ZFPM2: variants seen among roughly 807,000 people sequenced by gnomAD.
ZFPM2 encodes the protein zinc finger protein ZFPM2.
In ZFPM2, 20 loss-of-function variants were observed where a neutral mutation model predicts 98.6. The ratio of observed to expected loss-of-function variants is 0.20; its 90% CI spans 0.14 to 0.29. ZFPM2 has a LOEUF of 0.29. Among genes scored for constraint, ZFPM2 ranks in the 10% least tolerant of loss-of-function variants. ZFPM2 has a pLI of 1.00. For synonymous variants in ZFPM2, 518 were observed against 502.7 expected, an observed-to-expected ratio of 1.03 and a Z score of -0.41; for missense variants, 1,310 against 1,388.6, an observed-to-expected ratio of 0.94 and a Z score of 0.90.
intron 3 of ZFPM2, among the ~76,000 whole-genome samples, chr8:105,528,696 AG>A (rs1451144641): frequency 1.3e-5 from 2 of 152,176 alleles, no homozygotes; most frequent in Non-Finnish European, 2.9e-5. Context: ...AAAGCATGAA[AG>A]GAAAATGAAT....
At chr8:105,796,285 C>CTAAT (rs1813812127) in intron 6 of ZFPM2, among the ~76,000 whole-genome samples, 1 of 112,492 alleles carries the variant, frequency 8.9e-6, no homozygotes, top group Non-Finnish European at 1.7e-5. Flanking sequence ...GATGTTAATT[C>CTAAT]TAATTATAGT....
At chr8:105,763,516 T>C (rs898139551) in intron 5 of ZFPM2, among the ~76,000 whole-genome samples, 4 of 151,970 alleles carry the variant, frequency 2.6e-5, no homozygotes, top group African/African-American at 9.6e-5. Context: ...TAAATAATTA[T>C]GAGAAGAGAG....
intron 5 of ZFPM2, among the ~76,000 whole-genome samples, chr8:105,776,995 T>C (rs978300783): frequency 6.6e-6 from 1 of 152,238 alleles, no homozygotes; most frequent in African/African-American, 2.4e-5. Context: ...CCCTGCTTCC[T>C]CTTTCTGATT....
At chr8:105,713,906 G>A (rs1171996030) in intron 5 of ZFPM2, among the ~76,000 whole-genome samples, 3 of 152,002 alleles carry the variant, frequency 2.0e-5, no homozygotes, top group East Asian at 3.9e-4. Flanking sequence ...CTCCAGCTTT[G>A]TTCTTTTTGC....
chr8:105,494,798 T>G (rs1359776499), intron 3 of ZFPM2, among the ~76,000 whole-genome samples: 2 of 152,140 alleles, frequency 1.3e-5, no homozygotes, highest in Non-Finnish European at 2.9e-5. Flanking sequence ...TTGGAAACCT[T>G]TTTCTGTTTG....
chr8:105,694,560 A>G (rs1488692284), intron 5 of ZFPM2, among the ~76,000 whole-genome samples: 1 of 152,214 alleles, frequency 6.6e-6, no homozygotes, highest in Non-Finnish European at 1.5e-5. Context: ...TAAAAACTAA[A>G]TAAGATATTC....
rs573787734 is a variant in ZFPM2, at chr8:105,510,470, TTCAC to T, written c.302-50891_302-50888del. 2.7e-3 allele frequency among the ~76,000 whole-genome samples: 413 copies of T among 151,858 alleles called. 3 individuals carry two copies. The highest frequency in any genetic ancestry group is 8.9e-3 in the African/African-American group (367 of 41,364). On this transcript the variant is annotated intron_variant, in intron 3 of 7. Transcript: ENST00000407775. ...ATTTGGAATCTTCTCTTGGAGATGATTCACTATAATGAAATGATAGCAAACACCA... is the reference window on the plus strand; with the variant it reads ...ATTTGGAATCTTCTCTTGGAGATGATTATAATGAAATGATAGCAAACACCA...
intron 5 of ZFPM2, among the ~76,000 whole-genome samples, chr8:105,765,219 T>A (rs1219110177): frequency 2.0e-5 from 3 of 151,804 alleles, no homozygotes; most frequent in Non-Finnish European, 1.5e-5. Context: ...CTTAGTAAAA[T>A]CCTAGTTAAC....
chr8:105,632,690 G>T (rs552219936), intron 4 of ZFPM2, among the ~76,000 whole-genome samples: 1 of 152,184 alleles, frequency 6.6e-6, no homozygotes, highest in South Asian at 2.1e-4. Flanking sequence ...TGTCTATATT[G>T]TTAAAATATA....
intron 5 of ZFPM2, among the ~76,000 whole-genome samples, chr8:105,750,513 A>G (rs1812451627): frequency 6.6e-6 from 1 of 152,104 alleles, no homozygotes; most frequent in Non-Finnish European, 1.5e-5. Flanking sequence ...TTAGTATAAT[A>G]TCTTTCAGGA....
chr8:105,444,466 T>A (rs1812327964), intron 3 of ZFPM2, 85 bp downstream of exon 3: 8 of 975,256 alleles, frequency 8.2e-6, no homozygotes, highest in Middle Eastern at 2.4e-4. Flanking sequence ...TCAGTTAGCT[T>A]GCAAAAAATG....
At chr8:105,569,401 G>T (rs150534263) in intron 4 of ZFPM2, among the ~76,000 whole-genome samples, 1 of 152,056 alleles carries the variant, frequency 6.6e-6, no homozygotes, top group Non-Finnish European at 1.5e-5. Context: ...TGTCTGTTTC[G>T]TCTGTGATCT....
At chr8:105,441,319 ATAG>A (rs890277940) in intron 2 of ZFPM2, among the ~76,000 whole-genome samples, 3 of 151,522 alleles carry the variant, frequency 2.0e-5, no homozygotes, top group Non-Finnish European at 4.4e-5. Context: ...TTCCTTAAAC[ATAG>A]TAGATGCTCA....
chr8:105,537,687 A>G lies in ZFPM2; in HGVS notation c.302-23676A>G, dbSNP rs1563706817. Among the ~76,000 whole-genome samples the G allele has an allele frequency of 3.9e-5, 6 of 152,140 alleles. No homozygotes were observed. In the South Asian group the frequency reaches 1.2e-3, roughly 32 times the overall value. On this transcript the variant is annotated intron_variant, in intron 3 of 7. Coordinates refer to ENST00000407775, the MANE Select transcript of ZFPM2 (RefSeq NM_012082.4). ...ACAGTGTGAGACCCTGACTCTAAAT[A>G]AAAGAAAAAGAAAGAAATATTATAA...
intron 5 of ZFPM2, among the ~76,000 whole-genome samples, chr8:105,746,237 A>G (rs1408852002): frequency 2.6e-5 from 4 of 151,924 alleles, no homozygotes; most frequent in Non-Finnish European, 5.9e-5. Context: ...TAGTGTGTCA[A>G]ATAGAGACTG....
chr8:105,675,194 AAT>A (rs1324508699), intron 5 of ZFPM2, among the ~76,000 whole-genome samples: 2 of 152,190 alleles, frequency 1.3e-5, no homozygotes, highest in East Asian at 3.8e-4. Flanking sequence ...TCACTGCTCT[AAT>A]ATATCTTTGG....
chr8:105,801,712 A>G lies in ZFPM2; in HGVS notation c.1630A>G (p.Met544Val). Residue 544 changes from methionine to valine, a missense_variant, in exon 8 of 8, where the codon ATG becomes GTG. Transcript: ENST00000407775. Reference sequence around the variant, plus strand: ...CCCTCCCGTCATTTACAGCCCTTTGATGCCCAAGGGGGCTACTTGTTTTGA... The same window carrying G: ...CCCTCCCGTCATTTACAGCCCTTTGGTGCCCAAGGGGGCTACTTGTTTTGA... ...SYPPVIYSPLMPKGATCFECN... is the reference protein window; with the variant it reads ...SYPPVIYSPLVPKGATCFECN... The G allele has an allele frequency of 1.2e-6, 2 of 1,613,848 alleles. No homozygotes were observed. Among genetic ancestry groups the G allele is most frequent in the Non-Finnish European group, 1.7e-6 (2 of 1,179,862 alleles).
intron 4 of ZFPM2, among the ~76,000 whole-genome samples, chr8:105,581,372 A>G (rs1815594539): frequency 6.6e-6 from 1 of 152,318 alleles, no homozygotes; most frequent in East Asian, 1.9e-4. Flanking sequence ...CTTTGGAACC[A>G]ATCCTGCATT....
chr8:105,610,615 T>TA (rs1442792873), intron 4 of ZFPM2, among the ~76,000 whole-genome samples: 7 of 152,152 alleles, frequency 4.6e-5, no homozygotes, highest in African/African-American at 1.7e-4. Context: ...TTTTATATTG[T>TA]ATATTGGGGG....
Sources: allele counts gnomAD v4.1 joint callset (sites outside exome capture counted in the v4.1 genomes callset), GRCh38; gene constraint gnomAD v4.1.1; transcripts MANE v1.5; gene names NCBI Gene and HGNC (gene_info 2026-07-23, HGNC 2026-07-21).